VPS45: variants seen among roughly 807,000 people sequenced by gnomAD.
VPS45 encodes vacuolar protein sorting-associated protein 45.
VPS45 carries 35 observed loss-of-function variants against 75.9 expected under a neutral mutation model. That is an observed-to-expected ratio of 0.46 (90% CI 0.35 to 0.61). The LOEUF is 0.61. Ranked by LOEUF, VPS45 falls within the 20% of genes least tolerant of loss-of-function variation. VPS45 has a pLI of 0.00. For synonymous variants in VPS45, 220 were observed against 238.2 expected (o/e 0.92, Z 0.70); for missense variants, 559 against 685.9 (o/e 0.81, Z 2.07).
rs782628478 is a variant in VPS45 at position 150,068,773 on chromosome 1, T to TA, written c.228+12dup. The TA allele has an allele frequency of 6.3e-7, 1 of 1,596,178 alleles. No individual in the cohort carries two copies. The highest frequency in any genetic ancestry group is 8.5e-7 in the Non-Finnish European group (1 of 1,171,504). The stretch of plus-strand genomic sequence containing the variant: ...TTCTTCGACCTACAAAGGTACTGCA[T>TA]AAACTGAGCTTCCATCTGCCCAGGC... On this transcript the variant is annotated intron_variant, in intron 2 of 14. Coordinates refer to ENST00000644510, the MANE Select transcript of VPS45 (RefSeq NM_007259.5).
chr1:150,123,296 C>A (rs587611648), intron 14 of VPS45, among the ~76,000 whole-genome samples: 1 of 152,092 alleles, frequency 6.6e-6, no homozygotes, highest in East Asian at 1.9e-4. Flanking sequence ...TGTTTCCATC[C>A]TTTGGCTATT....
At chr1:150,101,626 C>T (rs1243880392) in intron 13 of VPS45, among the ~76,000 whole-genome samples, 16 of 151,628 alleles carry the variant, frequency 1.1e-4, no homozygotes, top group African/African-American at 3.1e-4. Context: ...CTCAGCTACT[C>T]GGGAGGCAGA....
At chr1:150,130,572 A>G (rs147482919) in intron 14 of VPS45, among the ~76,000 whole-genome samples, 1 of 152,318 alleles carries the variant, frequency 6.6e-6, no homozygotes, top group East Asian at 1.9e-4. Context: ...ATCATTTTTA[A>G]TAACTGAATT....
chr1:150,069,368 G>C (rs1654900760), intron 2 of VPS45, among the ~76,000 whole-genome samples: 3 of 150,356 alleles, frequency 2.0e-5, no homozygotes. Context: ...AAAGTTCTTT[G>C]GCCATTTGTC....
At chr1:150,123,942 T>C (rs1373321490) in intron 14 of VPS45, among the ~76,000 whole-genome samples, 1 of 152,216 alleles carries the variant, frequency 6.6e-6, no homozygotes, top group African/African-American at 2.4e-5. Flanking sequence ...GCAACAATTC[T>C]CTCGCTGCCA....
In VPS45 at chr1:150,076,252, C is replaced by T. The variant is rs1655377741; in HGVS notation, c.309C>T (p.Ser103=). 1.2e-6 allele frequency: 2 copies of T among 1,606,520 alleles called. No homozygotes were observed. The highest frequency in any genetic ancestry group is 2.2e-5 in the East Asian group (1 of 44,564). Residue 103 remains serine (S), a synonymous_variant, in exon 4 of 15, where the codon AGC becomes AGT. Transcript: ENST00000644510. ...TTTCAGATTTCAGTAATGTGATCAG[C>T]AAGAGTGACGTGAAGTCATTGGCTG... ...IYFIYFSNVI[S]KSDVKSLAEA...
intron 14 of VPS45, among the ~76,000 whole-genome samples, chr1:150,143,943 TA>T (rs1659541584): frequency 6.6e-6 from 1 of 152,162 alleles, no homozygotes; most frequent in Non-Finnish European, 1.5e-5. Context: ...TATGCATATA[TA>T]CACACACATG....
intron 14 of VPS45, among the ~76,000 whole-genome samples, chr1:150,114,374 T>C (rs1553807802): frequency 6.6e-6 from 1 of 150,670 alleles, no homozygotes; most frequent in African/African-American, 2.4e-5. Flanking sequence ...CTCAGGAGGC[T>C]GGAGAATTGC....
chr1:150,110,403 A>AAC, intron 13 of VPS45, 93 bp from the exon 14 acceptor site: 1 of 1,322,344 alleles, frequency 7.6e-7, no homozygotes, highest in Non-Finnish European at 1.0e-6. Context: ...CTCCACCAAA[A>AAC]AAAAAGATTT....
rs377122835 is a variant in VPS45, at chr1:150,068,827, T to G, written c.228+63T>G. ...TGCAGAACACTCTGATCTGAAAGCA[T>G]TAAGAAGGCAAAATAAATTTGTATT... is the stretch of plus-strand genomic sequence containing the variant. On this transcript the variant is annotated intron_variant, in intron 2 of 14. Transcript: ENST00000644510. 1.2e-4 allele frequency: 165 copies of G among 1,404,816 alleles called. 2 individuals carry two copies. In the African/African-American group the frequency reaches 2.2e-3, roughly 18 times the overall value. The allele number at this position is 1,404,816 out of a possible 1,614,324, so 87.0% of individuals were successfully genotyped here.
intron 13 of VPS45, among the ~76,000 whole-genome samples, chr1:150,101,910 A>T (rs1210221200): frequency 6.6e-6 from 1 of 152,062 alleles, no homozygotes; most frequent in Non-Finnish European, 1.5e-5. Context: ...ATTACTGGGT[A>T]TATACCCAGA....
At position 150,076,243 on chromosome 1, in the gene VPS45, T is replaced by G. The variant is rs1248383755; in HGVS notation, c.300T>G (p.Asn100Lys). 1 of 1,603,750 alleles carries G rather than the reference T, an allele frequency of 6.2e-7. No individual in the cohort carries two copies. The highest frequency in any genetic ancestry group is 1.7e-5 in the Admixed American group (1 of 59,248). ...KYTIYFIYFS[N>K]VISKSDVKSL... Reference sequence around the variant, plus strand: ...ACTCATGTGTTTCAGATTTCAGTAATGTGATCAGCAAGAGTGACGTGAAGT... The same window carrying G: ...ACTCATGTGTTTCAGATTTCAGTAAGGTGATCAGCAAGAGTGACGTGAAGT... Residue 100 changes from asparagine to lysine, a missense_variant, in exon 4 of 15, where the codon AAT becomes AAG. Transcript: ENST00000644510.
intron 14 of VPS45, chr1:150,142,688 A>G: frequency 3.3e-6 from 1 of 300,442 alleles, no homozygotes; most frequent in Non-Finnish European, 6.6e-6. Context: ...TTGTTGAGAC[A>G]GGGTTTCACT....
intron 13 of VPS45, among the ~76,000 whole-genome samples, chr1:150,095,376 G>A (rs186010850): frequency 2.0e-5 from 3 of 152,234 alleles, no homozygotes; most frequent in East Asian, 1.9e-4. Flanking sequence ...CACTTTGGGC[G>A]GCCAAAGCGG....
chr1:150,137,551 T>C (rs1659178038), intron 14 of VPS45, among the ~76,000 whole-genome samples: 1 of 152,152 alleles, frequency 6.6e-6, no homozygotes, highest in Non-Finnish European at 1.5e-5. Flanking sequence ...CACCGGGATA[T>C]CTCTCCAAAC....
At chr1:150,129,658 C>G (rs1173715218) in intron 14 of VPS45, among the ~76,000 whole-genome samples, 1 of 151,600 alleles carries the variant, frequency 6.6e-6, no homozygotes, top group Non-Finnish European at 1.5e-5. Context: ...CTCCCAGGTT[C>G]AAGCGATTCT....
At chr1:150,089,670 G>A (rs782221731) in intron 10 of VPS45, among the ~76,000 whole-genome samples, 5 of 152,086 alleles carry the variant, frequency 3.3e-5, no homozygotes, top group Non-Finnish European at 7.4e-5. Flanking sequence ...CCCCCAACAG[G>A]ATTTCTTAAT....
chr1:150,098,938 A>AT (rs1157331072), intron 13 of VPS45: 1 of 1,208,196 alleles, frequency 8.3e-7, no homozygotes, highest in Non-Finnish European at 1.0e-6. Context: ...GAATCAGTCA[A>AT]TTCAAAAAGG....
intron 14 of VPS45, among the ~76,000 whole-genome samples, chr1:150,129,768 G>A (rs1462981533): frequency 6.6e-6 from 1 of 151,470 alleles, no homozygotes; most frequent in Non-Finnish European, 1.5e-5. Flanking sequence ...GGCCAGGCTG[G>A]TCTCAAAGTC....
Sources: gnomAD v4.1 joint callset for allele counts (sites outside exome capture counted in the v4.1 genomes callset) on GRCh38, gnomAD v4.1.1 for gene constraint, MANE v1.5 for transcripts, NCBI Gene and HGNC (gene_info 2026-07-23, HGNC 2026-07-21) for gene names.